Variants in ROBO2 observed in about 807,000 individuals in gnomAD.
ROBO2 encodes roundabout homolog 2.
In ROBO2, 53 loss-of-function variants were observed where a neutral mutation model predicts 160.8. The ratio of observed to expected loss-of-function variants is 0.33; its 90% CI spans 0.26 to 0.41. ROBO2 has a LOEUF of 0.41. Ranked by LOEUF, ROBO2 falls within the 10% of genes least tolerant of loss-of-function variation. The pLI, the probability that ROBO2 is intolerant of heterozygous loss-of-function variation, is 1.00. For synonymous variants in ROBO2, 664 were observed against 611.7 expected (o/e 1.09, Z -1.26); for missense variants, 1,577 against 1,722.4 (o/e 0.92, Z 1.49).
intron 2 of ROBO2, among the ~76,000 whole-genome samples, chr3:76,948,056 C>A (rs920611484): frequency 2.0e-5 from 3 of 152,144 alleles, no homozygotes; most frequent in African/African-American, 7.2e-5. Context: ...GGATGGTTAA[C>A]TCTCTCCATT....
chr3:77,291,335 C>G (rs377361835), intron 2 of ROBO2, among the ~76,000 whole-genome samples: 7 of 150,168 alleles, frequency 4.7e-5, no homozygotes, highest in African/African-American at 1.7e-4. Context: ...TAGATCACCC[C>G]AGACGTAAAG....
At chr3:77,319,542 G>A (rs2064441028) in intron 2 of ROBO2, among the ~76,000 whole-genome samples, 1 of 152,178 alleles carries the variant, frequency 6.6e-6, no homozygotes, top group Non-Finnish European at 1.5e-5. Context: ...AGGACCATTG[G>A]CTGGAAACTT....
In ROBO2 at chr3:77,637,418, G is replaced by A. The variant is rs779457390; in HGVS notation, c.3934+2375G>A. Among the ~76,000 whole-genome samples the A allele has an allele frequency of 6.6e-5, 10 of 152,084 alleles. No homozygotes were observed. The South Asian group carries it at 8.3e-4, about 13-fold the overall frequency. On this transcript the variant is annotated intron_variant, in intron 24 of 25. Coordinates refer to ENST00000461745, the Ensembl canonical transcript of ROBO2. ...AAATATATTGTTCTACATACTTTCC[G>A]GTTTACTTATCTTTCCTGCTTCCTT...
At chr3:77,615,301 A>C (rs1280507742) in intron 21 of ROBO2, among the ~76,000 whole-genome samples, 1 of 152,212 alleles carries the variant, frequency 6.6e-6, no homozygotes, top group African/African-American at 2.4e-5. Flanking sequence ...GTTCTCCACC[A>C]GAGTGGTACA....
intron 2 of ROBO2, among the ~76,000 whole-genome samples, chr3:77,167,015 G>A (rs141974059): frequency 1.4e-4 from 21 of 152,264 alleles, no homozygotes; most frequent in African/African-American, 4.3e-4. Flanking sequence ...CATCTGGCCC[G>A]TAGGAGGTAC....
intron 2 of ROBO2, among the ~76,000 whole-genome samples, chr3:75,947,737 T>C (rs1185368254): frequency 6.6e-6 from 1 of 152,048 alleles, no homozygotes; most frequent in Non-Finnish European, 1.5e-5. Context: ...ATAAAACCTT[T>C]GGGGGCAAAA....
chr3:76,900,113 CCTGCACAAG>C (rs1001614776), intron 2 of ROBO2, among the ~76,000 whole-genome samples: 2 of 152,034 alleles, frequency 1.3e-5, no homozygotes, highest in African/African-American at 2.4e-5. Flanking sequence ...AAGCTTGTGC[CCTGCACAAG>C]CTGCTTTTAA....
intron 2 of ROBO2, among the ~76,000 whole-genome samples, chr3:76,827,592 G>A (rs1231722412): frequency 6.6e-6 from 1 of 152,112 alleles, no homozygotes; most frequent in Non-Finnish European, 1.5e-5. Flanking sequence ...CAAGTTTAAT[G>A]ACATAGTCAT....
intron 2 of ROBO2, among the ~76,000 whole-genome samples, chr3:77,145,060 G>A (rs1023381909): frequency 5.9e-5 from 9 of 151,954 alleles, no homozygotes; most frequent in African/African-American, 2.2e-4. Flanking sequence ...ATACAATGAA[G>A]GTACTTAGAT....
At chr3:76,615,225 C>T (rs1388922261) in intron 2 of ROBO2, among the ~76,000 whole-genome samples, 5 of 151,454 alleles carry the variant, frequency 3.3e-5, no homozygotes, top group Admixed American at 3.3e-4. Context: ...TTTATTGCTG[C>T]TCTTTTTTAT....
intron 2 of ROBO2, among the ~76,000 whole-genome samples, chr3:76,475,220 G>A (rs1023567504): frequency 2.7e-4 from 41 of 152,072 alleles, no homozygotes; most frequent in Non-Finnish European, 7.4e-5. Flanking sequence ...TAGAGAGTAA[G>A]GCATGGAAAT....
chr3:76,665,507 C>T (rs998334045), intron 2 of ROBO2, among the ~76,000 whole-genome samples: 1 of 151,810 alleles, frequency 6.6e-6, no homozygotes, highest in African/African-American at 2.4e-5. Flanking sequence ...CCACAAGCAC[C>T]TCCTACATCC....
intron 2 of ROBO2, among the ~76,000 whole-genome samples, chr3:76,180,249 A>G (rs924443484): frequency 8.5e-5 from 13 of 152,148 alleles, no homozygotes; most frequent in African/African-American, 2.9e-4. Flanking sequence ...CCCTAATGCA[A>G]ATGTCTTGCA....
At chr3:77,593,729 A>C (rs923971484) in intron 17 of ROBO2, among the ~76,000 whole-genome samples, 30 of 152,166 alleles carry the variant, frequency 2.0e-4, no homozygotes, top group Non-Finnish European at 2.6e-4. Context: ...TTAAAGAGCG[A>C]TCATCATATT....
chr3:76,812,769 A>G (rs1204599284), intron 2 of ROBO2, among the ~76,000 whole-genome samples: 1 of 152,054 alleles, frequency 6.6e-6, no homozygotes, highest in East Asian at 1.9e-4. Flanking sequence ...TTTAAACATA[A>G]GAAATGCAAC....
At chr3:76,332,099 G>T (rs2073535240) in intron 2 of ROBO2, among the ~76,000 whole-genome samples, 1 of 152,118 alleles carries the variant, frequency 6.6e-6, no homozygotes. Context: ...AGGAATCATA[G>T]ATTGTATATT....
intron 2 of ROBO2, among the ~76,000 whole-genome samples, chr3:77,180,507 C>A (rs971206551): frequency 1.4e-5 from 2 of 144,776 alleles, no homozygotes; most frequent in Admixed American, 7.1e-5. Flanking sequence ...ATGATCTCGG[C>A]TCACTGCAAC....
intron 2 of ROBO2, among the ~76,000 whole-genome samples, chr3:77,266,146 T>C (rs2059108041): frequency 6.6e-6 from 1 of 152,102 alleles, no homozygotes; most frequent in South Asian, 2.1e-4. Context: ...CACAGGATTT[T>C]TTTTAAAAAA....
Position 76,126,526 on chromosome 3 carries a change from A to T in ROBO2, c.109+188924A>T, listed in dbSNP as rs1051538247. Among the ~76,000 whole-genome samples, 3 of 152,166 alleles carry T rather than the reference A, an allele frequency of 2.0e-5. No homozygotes were observed. The East Asian group carries it at 5.8e-4, about 29-fold the overall frequency. ...CTGGATTACTATCAAGAAACATGAC[A>T]TTGTAATTAGTGCAAGAGCTTTGCT... On this transcript the variant is annotated intron_variant, in intron 2 of 26. Transcript: ENST00000487694.
Sources: gnomAD v4.1 joint callset for allele counts (sites outside exome capture counted in the v4.1 genomes callset) on GRCh38, gnomAD v4.1.1 for gene constraint, MANE v1.5 for transcripts, NCBI Gene and HGNC (gene_info 2026-07-23, HGNC 2026-07-21) for gene names.